The following SEC61A1 variants were observed in gnomAD, a reference collection of about 807,000 sequenced individuals.
SEC61A1 encodes the protein SEC61 translocon subunit alpha 1.
SEC61A1 carries 15 observed loss-of-function variants against 55.2 expected under a neutral mutation model. That is an observed-to-expected ratio of 0.27 (90% confidence interval 0.18 to 0.42). The LOEUF is 0.42. Among genes scored for constraint, SEC61A1 ranks in the 10% least tolerant of loss-of-function variants. The probability of loss-of-function intolerance (pLI) is 1.00; values close to 1 mark genes in which losing one functional copy is unlikely to be tolerated. For synonymous variants in SEC61A1, 247 were observed against 234.0 expected (o/e 1.06, Z -0.51); for missense variants, 284 against 602.6 (o/e 0.47, Z 5.53).
At chr3:128,062,429 G>A (rs1223601141) in intron 7 of SEC61A1, among the ~76,000 whole-genome samples, 1 of 152,246 alleles carries the variant, frequency 6.6e-6, no homozygotes, top group African/African-American at 2.4e-5. Context: ...TCCCTGGGCA[G>A]CAGGAACAAT....
At chr3:128,052,253 G>C (rs1941691390), upstream of SEC61A1, 19 of 304,864 alleles carry the variant, frequency 6.2e-5, no homozygotes, top group South Asian at 1.3e-3. Context: ...CCGCGCGCCA[G>C]GCCCCTTCCC....
intron 7 of SEC61A1, 113 bp downstream of exon 7, chr3:128,060,774 G>T (rs747471098): frequency 4.6e-5 from 52 of 1,140,826 alleles, no homozygotes; most frequent in Middle Eastern, 2.6e-4. Context: ...TCAGTTTTAG[G>T]TTTATCTCTT....
At chr3:128,058,556 T>C (rs1189184849) in intron 5 of SEC61A1, among the ~76,000 whole-genome samples, 2 of 152,100 alleles carry the variant, frequency 1.3e-5, no homozygotes, top group African/African-American at 4.8e-5. Flanking sequence ...AGATAAAAAT[T>C]AGGATTCTAA....
Position 128,055,712 on chromosome 3 carries a change from C to G in SEC61A1, c.181C>G (p.Pro61Ala). The change falls in exon 4 of 12, where the codon CCT becomes GCT. Residue 61 changes from proline to alanine, a missense_variant. Coordinates refer to ENST00000243253, the MANE Select transcript of SEC61A1 (RefSeq NM_013336.4). ...GATCATGTCTTCAGATTCAGCTGAC[C>G]CTTTCTATTGGATGAGAGTGATTCT... is the stretch of plus-strand genomic sequence containing the variant. ...FGIMSSDSAD[P>A]FYWMRVILAS... is the part of the protein sequence containing the mutation. The G allele has an allele frequency of 6.2e-7, 1 of 1,614,086 alleles. No individual in the cohort carries two copies. Among genetic ancestry groups the G allele is most frequent in the Non-Finnish European group, 8.5e-7 (1 of 1,179,982 alleles).
chr3:128,066,834 A>G, intron 8 of SEC61A1, 120 bp from the exon 9 acceptor site: 1 of 905,008 alleles, frequency 1.1e-6, no homozygotes, highest in East Asian at 2.6e-5. Context: ...GGAGCCCCAG[A>G]ACCAGCACAC....
At chr3:128,061,189 G>A (rs746806544) in intron 7 of SEC61A1, among the ~76,000 whole-genome samples, 1 of 152,200 alleles carries the variant, frequency 6.6e-6, no homozygotes, top group African/African-American at 2.4e-5. Flanking sequence ...TCATACATAC[G>A]TGGCTTTGGG....
In SEC61A1 at chr3:128,067,733, A is replaced by C; in HGVS notation, c.1167+121A>C. ...GTGTGCAGATAGATCGTCGTCCTTTAGGGGGCAGTTCAGAAGCTTTAAGGG... is the reference window on the plus strand; with the variant it reads ...GTGTGCAGATAGATCGTCGTCCTTTCGGGGGCAGTTCAGAAGCTTTAAGGG... On this transcript the variant is annotated intron_variant, in intron 10 of 11. Transcript: ENST00000243253. The surrounding 1 kb of genome is among the most constrained non-coding windows in gnomAD (Gnocchi z 4.1). 1 of 834,744 alleles carries C rather than the reference A, an allele frequency of 1.2e-6. No homozygotes were observed. Among genetic ancestry groups the C allele is most frequent in the Non-Finnish European group, 1.9e-6 (1 of 535,822 alleles). 51.7% of individuals were successfully genotyped at this position (834,744 alleles called of 1,614,324 possible).
intron 7 of SEC61A1, 74 bp from the exon 8 acceptor site, chr3:128,064,803 G>A: frequency 7.4e-7 from 1 of 1,343,922 alleles, no homozygotes; most frequent in Non-Finnish European, 1.0e-6. Flanking sequence ...CTTTTTATTT[G>A]TCTGCTAAGA....
intron 7 of SEC61A1, 100 bp downstream of exon 7, chr3:128,060,761 A>T: frequency 8.0e-7 from 1 of 1,257,732 alleles, no homozygotes; most frequent in Admixed American, 2.8e-5. Context: ...CAGAAAAATA[A>T]TGTCAGTTTT....
At chr3:128,069,228 T>A (rs1043917517) in intron 11 of SEC61A1, among the ~76,000 whole-genome samples, 1 of 152,218 alleles carries the variant, frequency 6.6e-6, no homozygotes, top group Non-Finnish European at 1.5e-5. Flanking sequence ...TCTTCAAATC[T>A]CCAAAATCTT....
rs1240670346 is a variant in SEC61A1 at position 128,056,849 on chromosome 3, G to T, written c.352+9G>T. 1.3e-6 allele frequency: 2 copies of T among 1,556,790 alleles called. No individual in the cohort carries two copies. Among genetic ancestry groups the T allele is most frequent in the Non-Finnish European group, 1.7e-6 (2 of 1,150,762 alleles). On this transcript the variant is annotated intron_variant, in intron 5 of 11. Transcript: ENST00000243253. ...CAACGGAGCCCAAAAGTGTAAGAAAGATTGTGAATAATCTGATGTCTATAG... is the reference window on the plus strand; with the variant it reads ...CAACGGAGCCCAAAAGTGTAAGAAATATTGTGAATAATCTGATGTCTATAG...
chr3:128,056,238 T>C (rs770804713), intron 4 of SEC61A1, among the ~76,000 whole-genome samples: 2 of 152,220 alleles, frequency 1.3e-5, no homozygotes, highest in Non-Finnish European at 2.9e-5. Flanking sequence ...ATTAACTCAT[T>C]TAAAAAATAT....
At chr3:128,051,674 C>T (rs1941674972), upstream of SEC61A1, 22 of 1,438,636 alleles carry the variant, frequency 1.5e-5, no homozygotes, top group Non-Finnish European at 2.0e-5. Flanking sequence ...ACAACAGTCT[C>T]CTCAACCTGT....
intron 8 of SEC61A1, 53 bp from the exon 9 acceptor site, chr3:128,066,901 C>G: frequency 6.4e-7 from 1 of 1,574,512 alleles, no homozygotes; most frequent in Non-Finnish European, 8.7e-7. Flanking sequence ...TGTTTCTGTG[C>G]AGCAGGCTGA....
At chr3:128,051,861 C>G, upstream of SEC61A1, 1 of 1,536,030 alleles carries the variant, frequency 6.5e-7, no homozygotes, top group Non-Finnish European at 8.7e-7. Context: ...GACCCACACC[C>G]ACGACAAGCC....
intron 7 of SEC61A1, among the ~76,000 whole-genome samples, chr3:128,062,830 G>A (rs1293983296): frequency 6.6e-6 from 1 of 152,122 alleles, no homozygotes; most frequent in African/African-American, 2.4e-5. Flanking sequence ...GGAAAATCAG[G>A]GAGCAGAACC....
At chr3:128,056,663 C>T (rs751933952) in intron 4 of SEC61A1, 46 bp from the exon 5 acceptor site, 48 of 1,425,748 alleles carry the variant, frequency 3.4e-5, no homozygotes, top group Admixed American at 7.3e-5. Context: ...TAACGTACTA[C>T]GTTTCCAAGC....
chr3:128,052,574 G>A lies in SEC61A1; in HGVS notation c.7+15G>A, dbSNP rs1576417959. On this transcript the variant is annotated intron_variant, in intron 1 of 11. Coordinates refer to ENST00000243253, the MANE Select transcript of SEC61A1 (RefSeq NM_013336.4). ...CGCCATGGCAAGTGAGTCCTGTAGGGAAGCCCTATTGAGGCCGGGACGGAA... is the reference window on the plus strand; with the variant it reads ...CGCCATGGCAAGTGAGTCCTGTAGGAAAGCCCTATTGAGGCCGGGACGGAA... 1 of 1,597,616 alleles carries A rather than the reference G, an allele frequency of 6.3e-7. No individual in the cohort carries two copies. Among genetic ancestry groups the A allele is most frequent in the East Asian group, 2.3e-5 (1 of 44,216 alleles).
Position 128,060,221 on chromosome 3 carries a change from A to G in SEC61A1, c.462+10A>G, listed in dbSNP as rs1576420876. The G allele has an allele frequency of 1.7e-5, 26 of 1,570,700 alleles. No homozygotes were observed. The highest frequency in any genetic ancestry group is 2.0e-5 in the Non-Finnish European group (23 of 1,140,432). ...GCTAATCACCATTCAGGTAATTATTATGCTAACATCTCCCTTTGAGTAGCC... is the reference window on the plus strand; with the variant it reads ...GCTAATCACCATTCAGGTAATTATTGTGCTAACATCTCCCTTTGAGTAGCC... On this transcript the variant is annotated intron_variant, in intron 6 of 11. Transcript: ENST00000243253.
Sources: allele counts gnomAD v4.1 joint callset (sites outside exome capture counted in the v4.1 genomes callset), GRCh38; gene constraint gnomAD v4.1.1; non-coding constraint Gnocchi (gnomAD v3.1); transcripts MANE v1.5; gene names NCBI Gene and HGNC (gene_info 2026-07-23, HGNC 2026-07-21).